The following RNF150 variants were observed in gnomAD, a reference collection of about 807,000 sequenced individuals.
The protein encoded by RNF150 is ring finger protein 150.
A neutral mutation model predicts 39.3 loss-of-function variants in RNF150; 24 were observed. The ratio of observed to expected loss-of-function variants is 0.61; its 90% CI spans 0.44 to 0.86. The LOEUF is 0.86. Ranked by LOEUF, RNF150 falls within the 40% of genes least tolerant of loss-of-function variation. The probability of loss-of-function intolerance (pLI) is 0.00; values close to 1 mark genes in which losing one functional copy is unlikely to be tolerated. For synonymous variants in RNF150, 255 were observed against 227.3 expected (o/e 1.12, Z -1.10); for missense variants, 502 against 587.8 (o/e 0.85, Z 1.51).
intron 1 of RNF150, among the ~76,000 whole-genome samples, chr4:141,044,366 T>C (rs145044402): frequency 4.6e-5 from 7 of 152,218 alleles, no homozygotes; most frequent in Non-Finnish European, 8.8e-5. Flanking sequence ...AGATGAGCAC[T>C]GTTCAAATTC....
chr4:140,995,646 T>C (rs1279825438), intron 1 of RNF150, among the ~76,000 whole-genome samples: 5 of 152,086 alleles, frequency 3.3e-5, no homozygotes, highest in Non-Finnish European at 7.4e-5. Context: ...GCCTCTGGAG[T>C]TGTGTCCCGC....
At chr4:141,070,300 C>T (rs1332087431) in intron 1 of RNF150, among the ~76,000 whole-genome samples, 2 of 152,004 alleles carry the variant, frequency 1.3e-5, no homozygotes, top group African/African-American at 2.4e-5. Flanking sequence ...CTAGGCATTA[C>T]CATTCAGGAC....
intron 5 of RNF150, among the ~76,000 whole-genome samples, chr4:140,924,939 A>G (rs981813062): frequency 1.3e-5 from 2 of 152,214 alleles, no homozygotes; most frequent in Admixed American, 6.5e-5. Flanking sequence ...TCTCCAGCAG[A>G]GCCACTCTGA....
At chr4:141,202,543 T>C (rs1297780327) in intron 1 of RNF150, among the ~76,000 whole-genome samples, 1 of 152,122 alleles carries the variant, frequency 6.6e-6, no homozygotes, top group Non-Finnish European at 1.5e-5. Context: ...TAACATAGAA[T>C]GATTATTTTT....
At chr4:141,155,847 A>G (rs1342893625) in intron 1 of RNF150, among the ~76,000 whole-genome samples, 1 of 152,224 alleles carries the variant, frequency 6.6e-6, no homozygotes, top group Non-Finnish European at 1.5e-5. Flanking sequence ...TGGTTGCAGT[A>G]TCAGGCAGTT....
At chr4:141,102,280 C>T (rs1034340004) in intron 1 of RNF150, among the ~76,000 whole-genome samples, 3 of 152,136 alleles carry the variant, frequency 2.0e-5, no homozygotes, top group African/African-American at 7.2e-5. Flanking sequence ...TAGGATCTCA[C>T]TGCATAGTTT....
intron 6 of RNF150, among the ~76,000 whole-genome samples, chr4:140,907,750 AGT>A (rs1730443037): frequency 4.6e-5 from 7 of 152,324 alleles, no homozygotes; most frequent in Non-Finnish European, 1.0e-4. Flanking sequence ...CTGGTGGCCC[AGT>A]GAGTTCCAGC....
At chr4:140,908,483 G>T (rs765793154) in intron 6 of RNF150, among the ~76,000 whole-genome samples, 3 of 152,130 alleles carry the variant, frequency 2.0e-5, no homozygotes, top group Non-Finnish European at 4.4e-5. Context: ...CTGACTGTAG[G>T]TATTGTCATA....
chr4:140,904,368 T>A (rs958494044), intron 6 of RNF150, among the ~76,000 whole-genome samples: 3 of 152,228 alleles, frequency 2.0e-5, no homozygotes, highest in Non-Finnish European at 2.9e-5. Context: ...CCTGCCACAA[T>A]GGAATGTCCT....
chr4:140,922,820 T>C (rs556352704), intron 5 of RNF150, among the ~76,000 whole-genome samples: 1 of 151,094 alleles, frequency 6.6e-6, no homozygotes, highest in African/African-American at 2.5e-5. Flanking sequence ...ATGCCGCATA[T>C]CTACAACTAT....
rs563272978 is a variant in RNF150 at position 140,986,098 on chromosome 4, G to A, written c.485-18225C>T. 6.9e-4 allele frequency among the ~76,000 whole-genome samples: 105 copies of A among 152,232 alleles called. No homozygotes were observed. In the South Asian group the frequency reaches 8.9e-3, roughly 13 times the overall value. On this transcript the variant is annotated intron_variant, in intron 1 of 6. Transcript: ENST00000515673. ...GCCATATAAAACTTTCTCAGGGAGTGTGGCTGTTCTCTTCTATAAATAGAT... is the reference window on the plus strand; with the variant it reads ...GCCATATAAAACTTTCTCAGGGAGTATGGCTGTTCTCTTCTATAAATAGAT...
Position 141,129,143 on chromosome 4 carries a change from T to C in RNF150, c.484+3182A>G, listed in dbSNP as rs370619608. 1.3e-3 allele frequency among the ~76,000 whole-genome samples: 202 copies of C among 152,294 alleles called. 1 individual carries two copies. Among genetic ancestry groups the C allele is most frequent in the African/African-American group, 4.5e-3 (187 of 41,558 alleles). The stretch of plus-strand genomic sequence containing the variant: ...GGTATATAATCAAGAGAAATGTCCA[T>C]ACAAAAACTTGTACATGAATGTTCA... On this transcript the variant is annotated intron_variant, in intron 1 of 6. Transcript: ENST00000515673.
intron 1 of RNF150, among the ~76,000 whole-genome samples, chr4:141,079,881 G>T (rs534816786): frequency 1.3e-5 from 2 of 152,336 alleles, no homozygotes; most frequent in East Asian, 3.9e-4. Context: ...CCCTCCTGAG[G>T]TTCAGTTCTC....
rs779194766 is a variant in RNF150, at chr4:140,863,212, G to A, written c.*5049C>T. 4.0e-4 allele frequency: 61 copies of A among 152,146 alleles called. No homozygotes were observed. Among genetic ancestry groups the A allele is most frequent in the Admixed American group, 9.2e-4 (14 of 15,270 alleles). 9.4% of individuals were successfully genotyped at this position (152,146 alleles called of 1,614,324 possible). On this transcript the variant is annotated 3_prime_UTR_variant, in exon 7 of 7. Transcript: ENST00000515673. Reference sequence around the variant, plus strand: ...AAATCCTAACCCTGGGGGCTCAGGCGAATGAGGAGGGTCAAATGCTGAGGG... The same window carrying A: ...AAATCCTAACCCTGGGGGCTCAGGCAAATGAGGAGGGTCAAATGCTGAGGG...
chr4:141,122,860 TTAAAA>T (rs2111090057), intron 1 of RNF150, among the ~76,000 whole-genome samples: 1 of 152,358 alleles, frequency 6.6e-6, no homozygotes, highest in East Asian at 1.9e-4. Flanking sequence ...TGTATTTCAT[TTAAAA>T]TAAGAAAAAC....
intron 6 of RNF150, among the ~76,000 whole-genome samples, chr4:140,897,892 A>C (rs1363308852): frequency 6.6e-6 from 1 of 152,142 alleles, no homozygotes; most frequent in Non-Finnish European, 1.5e-5. Flanking sequence ...TATTTGTCCA[A>C]AGTTACACAG....
In RNF150 at chr4:140,918,520, C is replaced by A. The variant is rs549888147; in HGVS notation, c.988-7166G>T. On this transcript the variant is annotated intron_variant, in intron 5 of 6. Transcript: ENST00000515673. ...AATCTCTGAATAGACCAATAACAGG[C>A]TCTGAAATTGTGGCAATAATCAATA... is the stretch of plus-strand genomic sequence containing the variant. 6.0e-4 allele frequency among the ~76,000 whole-genome samples: 91 copies of A among 152,152 alleles called. No homozygotes were observed. In the East Asian group the frequency reaches 0.014, roughly 24 times the overall value.
chr4:141,120,433 C>T (rs545428750), intron 1 of RNF150, among the ~76,000 whole-genome samples: 9 of 152,000 alleles, frequency 5.9e-5, no homozygotes, highest in African/African-American at 1.9e-4. Flanking sequence ...GCAATAAAAC[C>T]CCATGATTCT....
intron 1 of RNF150, among the ~76,000 whole-genome samples, chr4:141,002,880 T>C (rs1479246309): frequency 6.6e-6 from 1 of 152,192 alleles, no homozygotes; most frequent in East Asian, 1.9e-4. Context: ...TCTGTGACTT[T>C]TAAGCTTTTC....
Sources: gnomAD v4.1 joint callset for allele counts (sites outside exome capture counted in the v4.1 genomes callset) on GRCh38, gnomAD v4.1.1 for gene constraint, MANE v1.5 for transcripts, NCBI Gene and HGNC (gene_info 2026-07-23, HGNC 2026-07-21) for gene names.